Variants in CMSS1 observed in about 807,000 individuals in gnomAD.
The protein encoded by CMSS1 is cms1 ribosomal small subunit homolog, also known as protein CMSS1.
CMSS1 carries 33 observed loss-of-function variants against 43.5 expected under a neutral mutation model. That is an observed-to-expected ratio of 0.76 (90% CI 0.57 to 1.01). The LOEUF is 1.01. CMSS1 is among the 50% of genes least tolerant of loss of function. The pLI, the probability that CMSS1 is intolerant of heterozygous loss-of-function variation, is 0.00. For synonymous variants in CMSS1, 115 were observed against 117.2 expected, an observed-to-expected ratio of 0.98 and a Z score of 0.12; for missense variants, 313 against 326.4, an observed-to-expected ratio of 0.96 and a Z score of 0.32.
At chr3:100,131,426 A>G (rs1020618950) in intron 1 of CMSS1, among the ~76,000 whole-genome samples, 4 of 152,192 alleles carry the variant, frequency 2.6e-5, no homozygotes, top group South Asian at 2.1e-4. Context: ...TTCACTTTAT[A>G]TTTTAGGAAA....
At chr3:99,875,515 G>T (rs550448706) in intron 1 of CMSS1, among the ~76,000 whole-genome samples, 9 of 152,110 alleles carry the variant, frequency 5.9e-5, no homozygotes, top group Non-Finnish European at 1.5e-5. Context: ...ATGCTTTTAC[G>T]ACAAAATAGC....
chr3:100,098,946 G>C (rs1020897896), intron 1 of CMSS1, among the ~76,000 whole-genome samples: 2 of 152,196 alleles, frequency 1.3e-5, no homozygotes, highest in Non-Finnish European at 2.9e-5. Flanking sequence ...TGCCAGTTAA[G>C]ATGGTGTTGG....
chr3:100,057,027 G>A (rs1429862155), intron 1 of CMSS1, among the ~76,000 whole-genome samples: 3 of 152,020 alleles, frequency 2.0e-5, no homozygotes, highest in Non-Finnish European at 4.4e-5. Context: ...TTGGGCAAGT[G>A]ATTTTTCCCA....
At chr3:100,011,538 A>G (rs1025635734) in intron 1 of CMSS1, among the ~76,000 whole-genome samples, 1 of 152,142 alleles carries the variant, frequency 6.6e-6, no homozygotes, top group African/African-American at 2.4e-5. Flanking sequence ...ATACCTGACA[A>G]TTTATATCTA....
chr3:100,076,198 C>T (rs1379231103), intron 1 of CMSS1, among the ~76,000 whole-genome samples: 1 of 152,160 alleles, frequency 6.6e-6, no homozygotes, highest in African/African-American at 2.4e-5. Flanking sequence ...AGTTAAGTAC[C>T]TCTTTTTGTC....
intron 1 of CMSS1, among the ~76,000 whole-genome samples, chr3:99,825,101 G>A (rs1942512639): frequency 1.3e-5 from 2 of 152,082 alleles, no homozygotes; most frequent in African/African-American, 4.8e-5. Flanking sequence ...GTCTTGCATT[G>A]TAGATGTTGT....
intron 1 of CMSS1, chr3:99,848,413 T>C (rs1293551182): frequency 6.2e-7 from 1 of 1,614,190 alleles, no homozygotes; most frequent in East Asian, 2.2e-5. Context: ...TCGGTTATCC[T>C]GCAGTGGTGC....
chr3:99,991,973 C>CATATGTGTGTATATAT (rs1248111331), intron 1 of CMSS1, among the ~76,000 whole-genome samples: 1 of 147,018 alleles, frequency 6.8e-6, no homozygotes, highest in African/African-American at 2.5e-5. Context: ...TATATATACA[C>CATATGTGTGTATATAT]ACATATATGT....
At chr3:99,938,737 T>G (rs1707768314) in intron 1 of CMSS1, among the ~76,000 whole-genome samples, 1 of 152,146 alleles carries the variant, frequency 6.6e-6, no homozygotes, top group Non-Finnish European at 1.5e-5. Context: ...TGGCTATAAA[T>G]AGATGTTAAT....
At chr3:99,838,935 C>T (rs1441995333) in intron 1 of CMSS1, among the ~76,000 whole-genome samples, 1 of 152,166 alleles carries the variant, frequency 6.6e-6, no homozygotes, top group Non-Finnish European at 1.5e-5. Flanking sequence ...TCTTCACAAT[C>T]AACAGGTCTT....
intron 1 of CMSS1, among the ~76,000 whole-genome samples, chr3:99,915,408 A>C (rs1380607744): frequency 6.6e-6 from 1 of 152,230 alleles, no homozygotes; most frequent in Non-Finnish European, 1.5e-5. Context: ...TTGATTTTTC[A>C]TAATAACTTT....
chr3:99,842,500 AG>A (rs1413295429), intron 1 of CMSS1, among the ~76,000 whole-genome samples: 4 of 81,238 alleles, frequency 4.9e-5, no homozygotes, highest in Non-Finnish European at 7.1e-5. Context: ...AAATTAAAAC[AG>A]GCCAAAAAAA....
At chr3:99,964,491 C>T (rs1708588262) in intron 1 of CMSS1, 1 of 152,444 alleles carries the variant, frequency 6.6e-6, no homozygotes, top group South Asian at 2.1e-4. Flanking sequence ...GTGATCTGCT[C>T]AGGGCTCAGA....
intron 1 of CMSS1, among the ~76,000 whole-genome samples, chr3:99,912,532 C>T (rs1244558269): frequency 6.6e-6 from 1 of 152,138 alleles, no homozygotes; most frequent in African/African-American, 2.4e-5. Context: ...TGCATGCCAG[C>T]ACACCCAGCT....
intron 1 of CMSS1, chr3:99,849,727 A>G (rs1421182999): frequency 6.2e-7 from 1 of 1,613,726 alleles, no homozygotes; most frequent in Admixed American, 1.7e-5. Context: ...TTCTGTTTTC[A>G]TGAGGTCATC....
At chr3:99,908,674 A>G (rs978866864) in intron 1 of CMSS1, among the ~76,000 whole-genome samples, 2 of 152,198 alleles carry the variant, frequency 1.3e-5, no homozygotes, top group African/African-American at 4.8e-5. Context: ...GGACAATAAT[A>G]TTACCTCCTT....
In CMSS1 at chr3:100,124,125, G is replaced by A. The variant is rs545682309; in HGVS notation, c.65-22848G>A. Among the ~76,000 whole-genome samples, 6 of 152,204 alleles carry A rather than the reference G, an allele frequency of 3.9e-5. No homozygotes were observed. The East Asian group carries it at 1.2e-3, about 29-fold the overall frequency. ...ACTCTCCGCTAGAATAAAAGGTGCTGTATACATACAAAAAGTTTTTTAAGA... is the reference window on the plus strand; with the variant it reads ...ACTCTCCGCTAGAATAAAAGGTGCTATATACATACAAAAAGTTTTTTAAGA... On this transcript the variant is annotated intron_variant, in intron 1 of 9. Transcript: ENST00000421999.
chr3:100,130,924 A>C (rs1301050812), intron 1 of CMSS1, among the ~76,000 whole-genome samples: 1 of 152,214 alleles, frequency 6.6e-6, no homozygotes, highest in Non-Finnish European at 1.5e-5. Context: ...AAGAAAGTGC[A>C]TGAAGTGATG....
chr3:100,164,684 G>A (rs770302392), intron 4 of CMSS1, among the ~76,000 whole-genome samples: 4 of 152,124 alleles, frequency 2.6e-5, no homozygotes, highest in Non-Finnish European at 5.9e-5. Flanking sequence ...CAAGGACAGA[G>A]AATAGATCTA....
Sources: allele counts gnomAD v4.1 joint callset (sites outside exome capture counted in the v4.1 genomes callset), GRCh38; gene constraint gnomAD v4.1.1; transcripts MANE v1.5; gene names NCBI Gene and HGNC (gene_info 2026-07-23, HGNC 2026-07-21).